Variants in GPHN observed in about 807,000 individuals in gnomAD.
GPHN encodes the protein gephyrin.
Under a neutral mutation model 95.5 loss-of-function variants are expected in GPHN, and 17 were observed. The observed-to-expected ratio is 0.18, with a 90% CI of 0.12 to 0.27. The LOEUF (loss-of-function observed/expected upper bound fraction) is 0.27, where lower values mean the gene tolerates loss of function less well. Ranked by LOEUF, GPHN falls within the 10% of genes least tolerant of loss-of-function variation. The probability of loss-of-function intolerance (pLI) is 1.00; values close to 1 mark genes in which losing one functional copy is unlikely to be tolerated. For synonymous variants in GPHN, 320 were observed against 322.5 expected (o/e 0.99, Z 0.08); for missense variants, 660 against 978.1 (o/e 0.67, Z 4.34).
chr14:66,670,810 T>C (rs1035895945), intron 1 of GPHN, among the ~76,000 whole-genome samples: 15 of 151,922 alleles, frequency 9.9e-5, no homozygotes, highest in South Asian at 4.2e-4. Flanking sequence ...AATAAATAAA[T>C]AAAAAGAGGC....
intron 1 of GPHN, among the ~76,000 whole-genome samples, chr14:66,617,537 T>C (rs1426055646): frequency 6.6e-6 from 1 of 152,126 alleles, no homozygotes; most frequent in Non-Finnish European, 1.5e-5. Context: ...CACACAAGCT[T>C]TCTGGTCAGT....
intron 16 of GPHN, among the ~76,000 whole-genome samples, chr14:67,121,780 T>C (rs975022266): frequency 3.9e-5 from 6 of 152,210 alleles, no homozygotes; most frequent in Non-Finnish European, 8.8e-5. Context: ...GCTTAGCTTC[T>C]TTGATACTGT....
intron 1 of GPHN, among the ~76,000 whole-genome samples, chr14:66,624,813 A>C (rs1015124954): frequency 9.2e-5 from 14 of 152,172 alleles, no homozygotes; most frequent in Non-Finnish European, 1.9e-4. Context: ...TCTAACTCCT[A>C]CCTTAGACAG....
At chr14:67,286,626 T>G in the GPHN span, among the ~76,000 whole-genome samples, 1 of 151,184 alleles carries the variant, frequency 6.6e-6, no homozygotes, top group Admixed American at 6.6e-5. Flanking sequence ...GAGGCCGAGG[T>G]GGGTGGATCG....
chr14:67,172,257 G>A (rs1283036397), intron 21 of GPHN, among the ~76,000 whole-genome samples: 2 of 151,940 alleles, frequency 1.3e-5, no homozygotes, highest in East Asian at 1.9e-4. Flanking sequence ...CCCGCCGCCC[G>A]CCGCATCCCC....
chr14:67,286,105 T>C, the GPHN span, among the ~76,000 whole-genome samples: 50 of 152,364 alleles, frequency 3.3e-4, 1 homozygote, highest in African/African-American at 1.2e-3. Flanking sequence ...AAATTCCTTG[T>C]AGGAAATTTG....
At chr14:67,610,107 G>A in the GPHN span, among the ~76,000 whole-genome samples, 63 of 151,442 alleles carry the variant, frequency 4.2e-4, 1 homozygote, top group African/African-American at 1.5e-3. Context: ...AGGGTTGCCA[G>A]CGGCGGGGCA....
chr14:67,230,737 G>A, the GPHN span, among the ~76,000 whole-genome samples: 3 of 152,200 alleles, frequency 2.0e-5, no homozygotes, highest in African/African-American at 7.2e-5. Context: ...TAAACAAATT[G>A]TCGTATGGTC....
At chr14:66,712,854 G>C (rs1404054051) in intron 2 of GPHN, among the ~76,000 whole-genome samples, 5 of 152,046 alleles carry the variant, frequency 3.3e-5, no homozygotes, top group African/African-American at 1.2e-4. Flanking sequence ...GGAGTGAGGT[G>C]GTATCACACT....
chr14:67,118,234 G>A (rs1222530445), intron 16 of GPHN, among the ~76,000 whole-genome samples: 1 of 152,148 alleles, frequency 6.6e-6, no homozygotes, highest in African/African-American at 2.4e-5. Flanking sequence ...TGGCTGAGAA[G>A]TCTGGCTTAA....
At chr14:67,634,594 C>CAAAA in the GPHN span, among the ~76,000 whole-genome samples, 11 of 115,332 alleles carry the variant, frequency 9.5e-5, no homozygotes, top group Non-Finnish European at 2.0e-4. Context: ...ACCGTGTCTC[C>CAAAA]AAAAAAAAAA....
the GPHN span, among the ~76,000 whole-genome samples, chr14:67,701,024 C>CAA: frequency 0.14 from 9,355 of 66,704 alleles, 580 homozygotes; most frequent in Non-Finnish European, 0.17. Context: ...AATTTCATCT[C>CAA]AAAAAAAAAA....
chr14:67,352,461 A>C, the GPHN span, among the ~76,000 whole-genome samples: 1 of 152,084 alleles, frequency 6.6e-6, no homozygotes, highest in South Asian at 2.1e-4. Flanking sequence ...CTAGAAATAA[A>C]ATGTCATACC....
intron 8 of GPHN, among the ~76,000 whole-genome samples, chr14:66,948,315 A>T (rs1487666755): frequency 6.6e-6 from 1 of 152,130 alleles, no homozygotes; most frequent in Non-Finnish European, 1.5e-5. Context: ...GCTTATATGA[A>T]TATTTAAATT....
chr14:66,882,671 T>A (rs2063985085), intron 5 of GPHN, among the ~76,000 whole-genome samples: 1 of 151,746 alleles, frequency 6.6e-6, no homozygotes, highest in Non-Finnish European at 1.5e-5. Flanking sequence ...GAAAACTGAC[T>A]CGTAGTAACT....
At chr14:67,587,142 C>T in the GPHN span, 1 of 1,613,948 alleles carries the variant, frequency 6.2e-7, no homozygotes, top group African/African-American at 1.3e-5. Flanking sequence ...ACCCCCCCAC[C>T]AACCCACCCG....
chr14:66,604,791 C>T (rs1054032059), intron 1 of GPHN, among the ~76,000 whole-genome samples: 1 of 151,976 alleles, frequency 6.6e-6, no homozygotes, highest in Non-Finnish European at 1.5e-5. Context: ...TATAGATGAT[C>T]CTGTCACCCA....
At position 67,036,536 on chromosome 14, in the gene GPHN, C is replaced by G. The variant is rs552171302; in HGVS notation, c.1006+12861C>G. The stretch of plus-strand genomic sequence containing the variant: ...ACACACACACACACACACACACACA[C>G]ACACAGAGAAACACTAACTGTTAAA... On this transcript the variant is annotated intron_variant, in intron 10 of 22. Coordinates refer to ENST00000478722, the MANE Select transcript of GPHN (RefSeq NM_020806.5). Among the ~76,000 whole-genome samples, 363 of 149,638 alleles carry G rather than the reference C, an allele frequency of 2.4e-3. 5 individuals carry two copies. The highest frequency in any genetic ancestry group is 8.3e-3 in the African/African-American group (340 of 40,898).
At chr14:67,672,123 A>AT in the GPHN span, among the ~76,000 whole-genome samples, 786 of 143,502 alleles carry the variant, frequency 5.5e-3, 7 homozygotes, top group African/African-American at 0.017. Flanking sequence ...TGCAGTCTAC[A>AT]TTTTTTTTTT....
Sources: gnomAD v4.1 joint callset for allele counts (sites outside exome capture counted in the v4.1 genomes callset) on GRCh38, gnomAD v4.1.1 for gene constraint, MANE v1.5 for transcripts, NCBI Gene and HGNC (gene_info 2026-07-23, HGNC 2026-07-21) for gene names.